Variants in MPDZ observed in about 807,000 individuals in gnomAD.
MPDZ encodes multiple PDZ domain crumbs cell polarity complex component.
A neutral mutation model predicts 239.1 loss-of-function variants in MPDZ; 234 were observed. That is an observed-to-expected ratio of 0.98 (90% CI 0.88 to 1.09). The LOEUF is 1.09. Among genes scored for constraint, MPDZ ranks in the 50% least tolerant of loss-of-function variants. The pLI, the probability that MPDZ is intolerant of heterozygous loss-of-function variation, is 0.00. For missense variants in MPDZ, 3,175 were observed against 2,510.0 expected, an observed-to-expected ratio of 1.26 and a Z score of -5.66; for synonymous variants, 1,048 against 881.3, an observed-to-expected ratio of 1.19 and a Z score of -3.35.
intron 10 of MPDZ, among the ~76,000 whole-genome samples, chr9:13,213,481 G>A (rs912401447): frequency 6.6e-6 from 1 of 152,032 alleles, no homozygotes. Context: ...GACAAAGACT[G>A]CAGTTGTGAA....
intron 28 of MPDZ, among the ~76,000 whole-genome samples, chr9:13,138,845 T>A (rs1947240188): frequency 6.6e-6 from 1 of 152,210 alleles, no homozygotes; most frequent in African/African-American, 2.4e-5. Flanking sequence ...CCAGCACTAC[T>A]TGACAACCAT....
chr9:13,218,626 A>C (rs1435235332), intron 8 of MPDZ, among the ~76,000 whole-genome samples: 2 of 151,932 alleles, frequency 1.3e-5, no homozygotes, highest in African/African-American at 4.8e-5. Context: ...TAAAGTTTTA[A>C]AGGGCTTGTG....
chr9:13,193,234 C>G lies in MPDZ; in HGVS notation c.1736G>C (p.Arg579Pro), dbSNP rs753477677. Residue 579 changes from arginine (R) to proline (P), a missense_variant, in exon 14 of 47, where the codon CGA becomes CCA. Transcript: ENST00000319217. Reference protein sequence around the residue: ...LEATVGHHFIRSVLPEGPVGH... With the variant: ...LEATVGHHFIPSVLPEGPVGH... ...AACAGGACCCTCTGGTAGAACAGAT[C>G]GGATAAAATGATGTCCCACTGTCGC... The G allele has an allele frequency of 2.5e-6, 4 of 1,612,128 alleles. No individual in the cohort carries two copies. Among genetic ancestry groups the G allele is most frequent in the Non-Finnish European group, 2.5e-6 (3 of 1,178,806 alleles).
At chr9:13,254,973 C>A (rs190625006) in intron 1 of MPDZ, among the ~76,000 whole-genome samples, 5 of 152,316 alleles carry the variant, frequency 3.3e-5, no homozygotes, top group African/African-American at 1.2e-4. Flanking sequence ...TTCTTCCTTT[C>A]ATGAAAGATT....
chr9:13,159,098 G>C (rs1248640991), intron 23 of MPDZ, among the ~76,000 whole-genome samples: 1 of 152,096 alleles, frequency 6.6e-6, no homozygotes, highest in Non-Finnish European at 1.5e-5. Context: ...CAGGAATACT[G>C]AACTGTCTCA....
At chr9:13,199,758 C>A (rs1209438040) in intron 12 of MPDZ, among the ~76,000 whole-genome samples, 1 of 151,764 alleles carries the variant, frequency 6.6e-6, no homozygotes, top group African/African-American at 2.4e-5. Context: ...TTGATGTATC[C>A]CATTTACTGA....
chr9:13,272,616 T>C (rs1281959248), intron 1 of MPDZ, among the ~76,000 whole-genome samples: 2 of 150,002 alleles, frequency 1.3e-5, no homozygotes, highest in African/African-American at 4.9e-5. Flanking sequence ...CCAACACTTT[T>C]GGAGGCTGAG....
chr9:13,266,980 A>C (rs1017002695), intron 1 of MPDZ, among the ~76,000 whole-genome samples: 7 of 152,252 alleles, frequency 4.6e-5, no homozygotes, highest in Admixed American at 2.6e-4. Flanking sequence ...TTTATTCCTC[A>C]GGAATATACC....
intron 30 of MPDZ, 138 bp from the exon 31 acceptor site, chr9:13,136,320 G>GTTTTC (rs1375668856): frequency 1.0e-5 from 2 of 192,916 alleles, no homozygotes; most frequent in East Asian, 1.2e-4. Context: ...ATTTACAAAC[G>GTTTTC]TTTTCTTTTT....
chr9:13,127,328 C>T (rs1945269672), intron 32 of MPDZ, among the ~76,000 whole-genome samples: 1 of 152,186 alleles, frequency 6.6e-6, no homozygotes, highest in Admixed American at 6.5e-5. Flanking sequence ...ACTGAAAATG[C>T]CTCTCAGTCC....
chr9:13,138,969 AT>A (rs2132406601), intron 28 of MPDZ, among the ~76,000 whole-genome samples: 1 of 152,346 alleles, frequency 6.6e-6, no homozygotes, highest in South Asian at 2.1e-4. Flanking sequence ...TGGCTTCATA[AT>A]AGAAAACTGA....
At chr9:13,142,932 C>T (rs1422477098) in intron 27 of MPDZ, among the ~76,000 whole-genome samples, 2 of 151,838 alleles carry the variant, frequency 1.3e-5, no homozygotes, top group African/African-American at 2.4e-5. Flanking sequence ...TGAGAAGATC[C>T]AAGTATAGAT....
At position 13,168,556 on chromosome 9, in the gene MPDZ, C is replaced by A. The variant is rs762601542; in HGVS notation, c.3064G>T (p.Val1022Phe). The part of the protein sequence containing the change: ...AKGNSSLGMT[V>F]SANKDGLGMI... Reference sequence around the variant, plus strand: ...CCCAAGCCATCTTTATTAGCACTAACTGTCATTCCTACAGGAAAAGAGAAA... The same window carrying A: ...CCCAAGCCATCTTTATTAGCACTAAATGTCATTCCTACAGGAAAAGAGAAA... Residue 1022 changes from valine (V) to phenylalanine (F), a missense_variant, in exon 22 of 47, where the codon GTT (valine) becomes TTT (phenylalanine). Transcript: ENST00000319217. 2.5e-5 allele frequency: 40 copies of A among 1,577,062 alleles called. No individual in the cohort carries two copies. Among genetic ancestry groups the A allele is most frequent in the Non-Finnish European group, 3.4e-5 (40 of 1,166,816 alleles).
chr9:13,126,565 T>G lies in MPDZ; in HGVS notation c.4583A>C (p.Gln1528Pro). ...AATTTCATCATCTACAGCCAGTATC[T>G]GATCTCCGACTTTGAGTCGTCCATC... ...ATDGRLKVGD[Q>P]ILAVDDEIVV... Residue 1528 changes from glutamine (Q) to proline (P), a missense_variant, in exon 34 of 47, where the codon CAG (glutamine) becomes CCG (proline). Gln to Pro is a moderately conservative substitution (Grantham distance 76). Coordinates refer to ENST00000319217, the MANE Select transcript of MPDZ (RefSeq NM_001378778.1). The G allele has an allele frequency of 1.3e-6, 2 of 1,591,572 alleles. No individual in the cohort carries two copies. The highest frequency in any genetic ancestry group is 2.3e-5 in the East Asian group (1 of 44,216).
chr9:13,262,979 G>GT (rs1971021984), intron 1 of MPDZ, among the ~76,000 whole-genome samples: 1 of 152,258 alleles, frequency 6.6e-6, no homozygotes, highest in African/African-American at 2.4e-5. Flanking sequence ...AATGGAAGGA[G>GT]TAGCCGCATA....
chr9:13,147,429 TCTC>T, intron 26 of MPDZ, 116 bp downstream of exon 26: 1 of 695,754 alleles, frequency 1.4e-6, no homozygotes, highest in East Asian at 2.7e-5. Flanking sequence ...TTCTAACAAG[TCTC>T]CTGAGATTTG....
chr9:13,202,399 G>C (rs1956487982), intron 12 of MPDZ, among the ~76,000 whole-genome samples: 1 of 152,124 alleles, frequency 6.6e-6, no homozygotes, highest in African/African-American at 2.4e-5. Flanking sequence ...GGCTCCATGA[G>C]AGCACCAGGA....
chr9:13,176,137 T>C lies in MPDZ; in HGVS notation c.2930A>G (p.Lys977Arg). The change falls in exon 20 of 47, where the codon AAG (lysine) becomes AGG (arginine). Residue 977 changes from lysine to arginine, a missense_variant and splice_region_variant. By Grantham distance (26) the Lys-to-Arg change is conservative. Coordinates refer to ENST00000319217, the MANE Select transcript of MPDZ (RefSeq NM_001378778.1). ...CAAACCATATCTTTAAAATATTACC[T>C]TTCCAGCTGAATCGGGTAGCACAGA... The part of the protein sequence containing the change: ...LPSVLPDSAG[K>R]GSEYLLEQSS... 1 of 1,584,928 alleles carries C rather than the reference T, an allele frequency of 6.3e-7. No homozygotes were observed. The highest frequency in any genetic ancestry group is 8.6e-7 in the Non-Finnish European group (1 of 1,164,000).
intron 22 of MPDZ, chr9:13,165,470 T>C: frequency 6.5e-7 from 1 of 1,541,320 alleles, no homozygotes. Context: ...TGTCAATGTC[T>C]TGTGCTGAAT....
Sources: gnomAD v4.1 joint callset for allele counts (sites outside exome capture counted in the v4.1 genomes callset) on GRCh38, gnomAD v4.1.1 for gene constraint, MANE v1.5 for transcripts, NCBI Gene and HGNC (gene_info 2026-07-23, HGNC 2026-07-21) for gene names.